Variants in PIP5K1B observed in about 807,000 individuals in gnomAD.
The protein encoded by PIP5K1B is phosphatidylinositol-4-phosphate 5-kinase type 1 beta, also known as phosphatidylinositol 4-phosphate 5-kinase type-1 beta.
Under a neutral mutation model 67.0 loss-of-function variants are expected in PIP5K1B, and 42 were observed. The ratio of observed to expected loss-of-function variants is 0.63; its 90% confidence interval spans 0.49 to 0.81. The LOEUF is 0.81. Among genes scored for constraint, PIP5K1B ranks in the 30% least tolerant of loss-of-function variants. PIP5K1B has a pLI of 0.00. For missense variants in PIP5K1B, 459 were observed against 646.3 expected, an observed-to-expected ratio of 0.71 and a Z score of 3.14; for synonymous variants, 214 against 231.4, an observed-to-expected ratio of 0.92 and a Z score of 0.68.
intron 2 of PIP5K1B, among the ~76,000 whole-genome samples, chr9:68,791,774 T>C (rs1164194243): frequency 6.6e-6 from 1 of 152,210 alleles, no homozygotes; most frequent in Non-Finnish European, 1.5e-5. Context: ...AATACAAACT[T>C]GAGAATGCAA....
chr9:68,737,595 A>G (rs1828801839), intron 1 of PIP5K1B, among the ~76,000 whole-genome samples: 1 of 152,208 alleles, frequency 6.6e-6, no homozygotes, highest in South Asian at 2.1e-4. Context: ...AGCAGGGTTG[A>G]AGGAGTTAGC....
intron 4 of PIP5K1B, among the ~76,000 whole-genome samples, chr9:68,848,196 A>G (rs1156945320): frequency 1.3e-5 from 2 of 152,254 alleles, no homozygotes; most frequent in African/African-American, 2.4e-5. Context: ...GAAAAGAGCC[A>G]TGAACATATT....
At chr9:68,812,935 A>AAGAC (rs1833247564) in intron 2 of PIP5K1B, among the ~76,000 whole-genome samples, 1 of 152,226 alleles carries the variant, frequency 6.6e-6, no homozygotes, top group Non-Finnish European at 1.5e-5. Context: ...GTTAAAAGAG[A>AAGAC]AGACCCTCAG....
At chr9:68,995,312 C>G (rs1226753139) in intron 15 of PIP5K1B, among the ~76,000 whole-genome samples, 1 of 152,160 alleles carries the variant, frequency 6.6e-6, no homozygotes, top group Non-Finnish European at 1.5e-5. Flanking sequence ...TTAATCACCT[C>G]CTGTACCATA....
In PIP5K1B at chr9:68,992,298, C is replaced by T. The variant is rs150967728; in HGVS notation, c.1620+1041C>T. Reference sequence around the variant, plus strand: ...AATTACATAAAACAGGGGAAGTGTTCTTTTGGAATTTTCTGGGTTTTTTTA... The same window carrying T: ...AATTACATAAAACAGGGGAAGTGTTTTTTTGGAATTTTCTGGGTTTTTTTA... On this transcript the variant is annotated intron_variant, in intron 15 of 15. Coordinates refer to ENST00000265382, the MANE Select transcript of PIP5K1B (RefSeq NM_003558.4). Among the ~76,000 whole-genome samples the T allele has an allele frequency of 1.1e-3, 171 of 152,202 alleles. 1 individual carries two copies. Among genetic ancestry groups the T allele is most frequent in the African/African-American group, 3.9e-3 (164 of 41,538 alleles).
At chr9:68,925,339 T>G (rs900170803) in intron 12 of PIP5K1B, among the ~76,000 whole-genome samples, 1 of 152,180 alleles carries the variant, frequency 6.6e-6, no homozygotes, top group Non-Finnish European at 1.5e-5. Context: ...CCACAGAAGG[T>G]TCCCACGAGG....
chr9:68,971,867 T>A (rs929588847), intron 14 of PIP5K1B, among the ~76,000 whole-genome samples: 1 of 152,266 alleles, frequency 6.6e-6, no homozygotes, highest in Non-Finnish European at 1.5e-5. Flanking sequence ...TTTAAGTTCC[T>A]TGTAGATTCT....
intron 14 of PIP5K1B, chr9:68,940,993 T>C: frequency 1.5e-6 from 1 of 665,988 alleles, no homozygotes; most frequent in Non-Finnish European, 2.8e-6. Flanking sequence ...TTCTTTACAG[T>C]TGATCATTAT....
intron 12 of PIP5K1B, among the ~76,000 whole-genome samples, chr9:68,923,802 A>G (rs2132545399): frequency 6.6e-6 from 1 of 152,326 alleles, no homozygotes; most frequent in African/African-American, 2.4e-5. Context: ...CTCATAGGAC[A>G]TTCTCTAGGA....
At chr9:68,878,965 T>G (rs1297443915) in intron 6 of PIP5K1B, among the ~76,000 whole-genome samples, 1 of 152,114 alleles carries the variant, frequency 6.6e-6, no homozygotes, top group African/African-American at 2.4e-5. Context: ...CGAAAGGACA[T>G]TTAGTGGACC....
At chr9:69,008,048 G>A (rs1212207632) in intron 15 of PIP5K1B, among the ~76,000 whole-genome samples, 1 of 152,130 alleles carries the variant, frequency 6.6e-6, no homozygotes, top group Non-Finnish European at 1.5e-5. Context: ...CAGCCACAGT[G>A]ATATTGTTTG....
rs142011699 is a variant in PIP5K1B, at chr9:68,720,585, T to C, written c.-243+14823T>C. ...TGTCTCTGTGCAGCTACCAATTTTT[T>C]AAAAATGTTCTCTTCTATTCTCACT... On this transcript the variant is annotated intron_variant, in intron 1 of 15. Transcript: ENST00000265382. 8.6e-3 allele frequency among the ~76,000 whole-genome samples: 1,316 copies of C among 152,308 alleles called. 20 individuals carry two copies. The highest frequency in any genetic ancestry group is 0.03 in the African/African-American group (1,249 of 41,554).
At position 68,991,788 on chromosome 9, in the gene PIP5K1B, A is replaced by G. The variant is rs934879532; in HGVS notation, c.1620+531A>G. Among the ~76,000 whole-genome samples the G allele has an allele frequency of 2.6e-5, 4 of 152,206 alleles. No individual in the cohort carries two copies. In the East Asian group the frequency reaches 7.7e-4, roughly 29 times the overall value. ...TAATGCCCACCCTGCCTACCTTACA[A>G]GGCTGCTTTGAGGATCATGAGTGAC... On this transcript the variant is annotated intron_variant, in intron 15 of 15. Coordinates refer to ENST00000265382, the MANE Select transcript of PIP5K1B (RefSeq NM_003558.4).
At chr9:68,755,487 A>G (rs1829879850) in intron 2 of PIP5K1B, among the ~76,000 whole-genome samples, 1 of 152,252 alleles carries the variant, frequency 6.6e-6, no homozygotes, top group Non-Finnish European at 1.5e-5. Flanking sequence ...CATACAAAGA[A>G]TAAGTTGCTC....
chr9:68,976,697 A>T (rs1028685239), intron 14 of PIP5K1B, among the ~76,000 whole-genome samples: 4 of 152,228 alleles, frequency 2.6e-5, no homozygotes, highest in Non-Finnish European at 4.4e-5. Context: ...ATCATCAGGC[A>T]TTAGATTCTC....
rs567377832 is a variant in PIP5K1B, at chr9:68,911,245, C to T, written c.772-6303C>T. On this transcript the variant is annotated intron_variant, in intron 8 of 15. Coordinates refer to ENST00000265382, the MANE Select transcript of PIP5K1B (RefSeq NM_003558.4). ...AAAATTAACTGGTCATGGCGGCACA[C>T]GCCTGTAATCCCAGCTACTTGGGAG... 8.5e-5 allele frequency among the ~76,000 whole-genome samples: 13 copies of T among 152,206 alleles called. No homozygotes were observed. In the East Asian group the frequency reaches 1.7e-3, roughly 20 times the overall value.
At chr9:68,788,909 A>T in intron 2 of PIP5K1B, 1 of 272,886 alleles carries the variant, frequency 3.7e-6, no homozygotes, top group Non-Finnish European at 7.2e-6. Context: ...AATTTCCATC[A>T]AGAGGGATGA....
At chr9:68,718,991 T>G (rs1319724817) in intron 1 of PIP5K1B, among the ~76,000 whole-genome samples, 1 of 152,160 alleles carries the variant, frequency 6.6e-6, no homozygotes, top group Non-Finnish European at 1.5e-5. Context: ...AAACTGAAAT[T>G]TTAAAAAAGG....
At chr9:68,901,383 C>T (rs1028091532) in intron 8 of PIP5K1B, among the ~76,000 whole-genome samples, 1 of 152,118 alleles carries the variant, frequency 6.6e-6, no homozygotes, top group African/African-American at 2.4e-5. Context: ...CTCAGCCTTC[C>T]AAGTAGCTGG....
Sources: allele counts gnomAD v4.1 joint callset (sites outside exome capture counted in the v4.1 genomes callset), GRCh38; gene constraint gnomAD v4.1.1; transcripts MANE v1.5; gene names NCBI Gene and HGNC (gene_info 2026-07-23, HGNC 2026-07-21).